Variants in SLC8A1 observed in about 807,000 individuals in gnomAD.
SLC8A1 encodes the protein solute carrier family 8 member A1.
Under a neutral mutation model 68.3 loss-of-function variants are expected in SLC8A1, and 18 were observed. The ratio of observed to expected loss-of-function variants is 0.26; its 90% CI spans 0.18 to 0.39. The LOEUF (loss-of-function observed/expected upper bound fraction) is 0.39, where lower values mean the gene tolerates loss of function less well. Among genes scored for constraint, SLC8A1 ranks in the 10% least tolerant of loss-of-function variants. The probability of loss-of-function intolerance (pLI) is 1.00; values close to 1 mark genes in which losing one functional copy is unlikely to be tolerated. For missense variants in SLC8A1, 985 were observed against 1,156.7 expected (o/e 0.85, Z 2.15); for synonymous variants, 475 against 415.5 (o/e 1.14, Z -1.74).
intron 2 of SLC8A1, among the ~76,000 whole-genome samples, chr2:40,353,883 C>T (rs77843753): frequency 0.021 from 3,249 of 152,318 alleles, 49 homozygotes; most frequent in African/African-American, 0.039. Context: ...TCTACTTCCT[C>T]ACTGCCCGGT....
intron 2 of SLC8A1, among the ~76,000 whole-genome samples, chr2:40,356,994 A>C (rs1304376812): frequency 6.6e-6 from 1 of 152,206 alleles, no homozygotes; most frequent in East Asian, 1.9e-4. Flanking sequence ...ATGAGTATTC[A>C]GAGTATAATT....
At chr2:40,188,265 G>T (rs2051072870) in intron 2 of SLC8A1, among the ~76,000 whole-genome samples, 1 of 151,816 alleles carries the variant, frequency 6.6e-6, no homozygotes. Flanking sequence ...CTCCTTAAAT[G>T]CAGATTCTCT....
At chr2:40,434,916 A>G (rs1259703442) in intron 1 of SLC8A1, among the ~76,000 whole-genome samples, 1 of 152,164 alleles carries the variant, frequency 6.6e-6, no homozygotes, top group Non-Finnish European at 1.5e-5. Context: ...CAAGAGATAG[A>G]TCCAACTGCT....
intron 7 of SLC8A1, among the ~76,000 whole-genome samples, chr2:40,135,286 G>A (rs1419117053): frequency 1.3e-5 from 2 of 152,194 alleles, no homozygotes; most frequent in East Asian, 3.9e-4. Flanking sequence ...CGCTTAAGAT[G>A]ATCTCTAGCA....
chr2:40,184,905 A>C (rs2050392916), intron 2 of SLC8A1, among the ~76,000 whole-genome samples: 2 of 150,500 alleles, frequency 1.3e-5, no homozygotes, highest in South Asian at 4.2e-4. Context: ...AAACAAAAAA[A>C]AAAAAAAAAA....
chr2:40,304,891 G>A (rs2072278568), intron 2 of SLC8A1, among the ~76,000 whole-genome samples: 1 of 152,102 alleles, frequency 6.6e-6, no homozygotes, highest in South Asian at 2.1e-4. Flanking sequence ...GGTGAACATG[G>A]ACTTCCGCTT....
intron 2 of SLC8A1, among the ~76,000 whole-genome samples, chr2:40,252,711 T>A (rs1056842041): frequency 1.4e-5 from 2 of 147,750 alleles, no homozygotes; most frequent in African/African-American, 5.3e-5. Context: ...AGAAGGGGGA[T>A]AAAATAAGAT....
rs2065452115 is a variant in SLC8A1 at position 40,267,116 on chromosome 2, C to T, written c.1809-89261G>A. 2.0e-5 allele frequency among the ~76,000 whole-genome samples: 3 copies of T among 152,116 alleles called. No individual in the cohort carries two copies. The South Asian group carries it at 6.2e-4, about 32-fold the overall frequency. On this transcript the variant is annotated intron_variant, in intron 2 of 7. Coordinates refer to ENST00000406785, the Ensembl canonical transcript of SLC8A1. The stretch of plus-strand genomic sequence containing the variant: ...TAAATAGAGTAGGAATAAAAGAGGG[C>T]TGGTACCACAATAATGGTGAGGCAA...
chr2:40,316,234 G>A (rs1471871988), intron 2 of SLC8A1, among the ~76,000 whole-genome samples: 2 of 152,028 alleles, frequency 1.3e-5, no homozygotes, highest in Admixed American at 6.6e-5. Flanking sequence ...GGACTCAACT[G>A]TCCTTTGTGG....
intron 2 of SLC8A1, among the ~76,000 whole-genome samples, chr2:40,341,298 ATAAG>A (rs755934463): frequency 1.3e-5 from 2 of 152,190 alleles, no homozygotes. Context: ...TCAAATTTGG[ATAAG>A]TAAGTAAATA....
At chr2:40,178,280 G>A in intron 2 of SLC8A1, 107 bp downstream of exon 3, 2 of 838,874 alleles carry the variant, frequency 2.4e-6, no homozygotes, top group Non-Finnish European at 4.0e-6. Flanking sequence ...TGTTACATAG[G>A]TGGAGGGATG....
At chr2:40,465,577 T>A (rs1474057233) in intron 1 of SLC8A1, among the ~76,000 whole-genome samples, 1 of 152,180 alleles carries the variant, frequency 6.6e-6, no homozygotes, top group African/African-American at 2.4e-5. Flanking sequence ...TCTGAGTGTT[T>A]ATACATTAAG....
At chr2:40,505,941 GCA>G (rs908072380) in intron 1 of SLC8A1, among the ~76,000 whole-genome samples, 3 of 152,028 alleles carry the variant, frequency 2.0e-5, no homozygotes, top group East Asian at 3.9e-4. Context: ...AGGTTAGGGA[GCA>G]CACCAAATCA....
chr2:40,190,259 T>C (rs888096466), intron 2 of SLC8A1, among the ~76,000 whole-genome samples: 1 of 152,164 alleles, frequency 6.6e-6, no homozygotes, highest in South Asian at 2.1e-4. Context: ...CCCTCCACTT[T>C]TCATTCTAGA....
chr2:40,200,267 T>TATATAA (rs1363651959), intron 2 of SLC8A1, among the ~76,000 whole-genome samples: 20 of 60,396 alleles, frequency 3.3e-4, no homozygotes, highest in East Asian at 8.5e-4. Context: ...TATATATATA[T>TATATAA]AACCTCTTTT....
intron 1 of SLC8A1, among the ~76,000 whole-genome samples, chr2:40,503,991 T>G (rs865859490): frequency 6.6e-6 from 1 of 152,008 alleles, no homozygotes. Flanking sequence ...AGACCCAGAA[T>G]AGCTGAAGCT....
intron 6 of SLC8A1, among the ~76,000 whole-genome samples, chr2:40,153,012 A>G (rs1180503241): frequency 6.6e-6 from 1 of 152,142 alleles, no homozygotes; most frequent in African/African-American, 2.4e-5. Context: ...TGAGATTTCA[A>G]ATTTCCAAAT....
chr2:40,170,492 T>A (rs1177617044), intron 4 of SLC8A1, 143 bp from the exon 7 acceptor site: 2 of 698,838 alleles, frequency 2.9e-6, no homozygotes, highest in Admixed American at 4.3e-5. Context: ...TGATCATAGG[T>A]CACCCCTAGG....
chr2:40,330,085 T>C (rs965027269), intron 2 of SLC8A1, among the ~76,000 whole-genome samples: 3 of 152,234 alleles, frequency 2.0e-5, no homozygotes, highest in Non-Finnish European at 2.9e-5. Context: ...GCTAGATGCA[T>C]ATCTTAATAA....
Sources: gnomAD v4.1 joint callset for allele counts (sites outside exome capture counted in the v4.1 genomes callset) on GRCh38, gnomAD v4.1.1 for gene constraint, MANE v1.5 for transcripts, NCBI Gene and HGNC (gene_info 2026-07-23, HGNC 2026-07-21) for gene names.